SYK: variants seen among roughly 807,000 people sequenced by gnomAD.
The protein encoded by SYK is tyrosine-protein kinase SYK.
SYK carries 16 observed loss-of-function variants against 77.8 expected under a neutral mutation model. The observed-to-expected ratio is 0.21, with a 90% CI of 0.14 to 0.31. The LOEUF is 0.31. Ranked by LOEUF, SYK falls within the 10% of genes least tolerant of loss-of-function variation. The pLI is 1.00. For missense variants in SYK, 529 were observed against 814.4 expected (o/e 0.65, Z 4.26); for synonymous variants, 312 against 308.7 (o/e 1.01, Z -0.11).
Position 90,845,440 on chromosome 9 carries a change from G to A in SYK, c.424G>A (p.Ala142Thr), listed in dbSNP as rs1826552034. 6.2e-7 allele frequency: 1 copy of A among 1,613,806 alleles called. No homozygotes were observed. Among genetic ancestry groups the A allele is most frequent in the Non-Finnish European group, 8.5e-7 (1 of 1,179,932 alleles). The change falls in exon 3 of 14, where the codon GCT (alanine) becomes ACT (threonine). Residue 142 changes from alanine (A) to threonine (T), a missense_variant. By Grantham distance (58) the Ala-to-Thr change is moderately conservative (BLOSUM62 0). Coordinates refer to ENST00000375754, the MANE Select transcript of SYK (RefSeq NM_003177.7). ...TTTGCTCTCCATGTGGCAGGGTCAG[G>A]CTCTGGAGCAGGCCATCATCAGTCA... ...VKQTWNLQGQ[A>T]LEQAIISQKP...
chr9:90,843,772 C>A, intron 1 of SYK, 86 bp from the exon 2 acceptor site: 1 of 1,072,056 alleles, frequency 9.3e-7, no homozygotes, highest in Non-Finnish European at 1.3e-6. Flanking sequence ...GGTTTGTCTC[C>A]ACTTTGAAAG....
intron 3 of SYK, among the ~76,000 whole-genome samples, chr9:90,852,502 G>C (rs972147780): frequency 6.6e-6 from 1 of 152,158 alleles, no homozygotes; most frequent in Middle Eastern, 3.2e-3. Context: ...GTCCATGCCA[G>C]GCAAAATTTT....
chr9:90,856,485 A>G (rs1827043371), intron 3 of SYK, among the ~76,000 whole-genome samples: 1 of 152,052 alleles, frequency 6.6e-6, no homozygotes, highest in East Asian at 1.9e-4. Flanking sequence ...ACGTCGTTGA[A>G]TTATTCTTCC....
In SYK at chr9:90,878,704, TTG is replaced by T; in HGVS notation, c.1392-58_1392-57del. ...CCCACTGCCTGCGTGAGGAGCATGG[TTG>T]TTTGTTGTGAAATGGGTCACTGTCT... On this transcript the variant is annotated intron_variant, in intron 10 of 13. Transcript: ENST00000375754. The T allele has an allele frequency of 2.1e-6, 3 of 1,437,366 alleles. No homozygotes were observed. In the East Asian group the frequency reaches 6.9e-5, roughly 33 times the overall value. The allele number at this position is 1,437,366 out of a possible 1,614,324, so 89.0% of individuals were successfully genotyped here. A position where few individuals can be genotyped will look rare whatever the true frequency, so the allele number is the denominator to read the frequency against.
chr9:90,835,358 C>T (rs1443984659), intron 1 of SYK, among the ~76,000 whole-genome samples: 4 of 152,188 alleles, frequency 2.6e-5, no homozygotes, highest in African/African-American at 7.2e-5. Flanking sequence ...GACAGCTGGA[C>T]ACGGGCCCAG....
chr9:90,858,974 C>A (rs956907523), intron 3 of SYK, among the ~76,000 whole-genome samples: 11 of 152,328 alleles, frequency 7.2e-5, no homozygotes, highest in Admixed American at 1.3e-4. Flanking sequence ...GGAAGTGAGG[C>A]CTTTGCAGAA....
chr9:90,811,501 A>T (rs1564067231), intron 1 of SYK, among the ~76,000 whole-genome samples: 2 of 152,322 alleles, frequency 1.3e-5, no homozygotes, highest in East Asian at 3.9e-4. Context: ...CAGTTGATTC[A>T]TATGTTGGAA....
chr9:90,831,400 G>T (rs141147624), intron 1 of SYK, among the ~76,000 whole-genome samples: 1 of 152,168 alleles, frequency 6.6e-6, no homozygotes, highest in Non-Finnish European at 1.5e-5. Context: ...TACCTCTTCT[G>T]GTTCAATGCC....
chr9:90,871,931 G>C (rs946863467), intron 7 of SYK, among the ~76,000 whole-genome samples: 3 of 152,198 alleles, frequency 2.0e-5, no homozygotes, highest in Non-Finnish European at 4.4e-5. Flanking sequence ...TTCCGAGGAA[G>C]ATCTCCCATC....
chr9:90,809,302 G>A (rs1011641558), intron 1 of SYK, among the ~76,000 whole-genome samples: 1 of 152,186 alleles, frequency 6.6e-6, no homozygotes, highest in African/African-American at 2.4e-5. Context: ...GATTAGAAAC[G>A]GGCTCAGAAA....
intron 7 of SYK, among the ~76,000 whole-genome samples, chr9:90,869,514 A>C (rs1336215790): frequency 6.6e-6 from 1 of 152,350 alleles, no homozygotes; most frequent in East Asian, 1.9e-4. Context: ...TTTCACAAAC[A>C]AATGGGGAAC....
At chr9:90,866,532 C>A (rs144513978) in intron 6 of SYK, among the ~76,000 whole-genome samples, 7 of 152,130 alleles carry the variant, frequency 4.6e-5, no homozygotes, top group Admixed American at 3.3e-4. Flanking sequence ...ATTATAGGCT[C>A]GGTGAGACAG....
At chr9:90,849,490 C>A (rs1201532234) in intron 3 of SYK, among the ~76,000 whole-genome samples, 1 of 152,180 alleles carries the variant, frequency 6.6e-6, no homozygotes, top group Non-Finnish European at 1.5e-5. Flanking sequence ...TGTAGTAATA[C>A]CACTGTAGTT....
intron 1 of SYK, among the ~76,000 whole-genome samples, chr9:90,843,448 A>G (rs898414002): frequency 4.6e-5 from 7 of 152,174 alleles, no homozygotes; most frequent in African/African-American, 1.7e-4. Context: ...GTCTGGACTC[A>G]GGAGGAGCAG....
chr9:90,878,825 T>C lies in SYK; in HGVS notation c.1453T>C (p.Leu485=). 1 of 1,614,160 alleles carries C rather than the reference T, an allele frequency of 6.2e-7. No homozygotes were observed. Among genetic ancestry groups the C allele is most frequent in the Non-Finnish European group, 8.5e-7 (1 of 1,180,010 alleles). The part of the protein sequence containing the change: ...VHQVSMGMKY[L]EESNFVHRDL... ...TCAGGTTTCCATGGGCATGAAGTAC[T>C]TGGAGGAGAGCAATTTTGTGCACAG... The change falls in exon 11 of 14, where the codon TTG becomes CTG. Residue 485 remains leucine (L), a synonymous_variant. Coordinates refer to ENST00000375754, the MANE Select transcript of SYK (RefSeq NM_003177.7).
intron 1 of SYK, among the ~76,000 whole-genome samples, chr9:90,805,840 G>T (rs62554850): frequency 0.21 from 32,365 of 152,008 alleles, 3,612 homozygotes; most frequent in Middle Eastern, 0.32. Flanking sequence ...TTTGAGTTAT[G>T]TCCTCTAGAA....
At chr9:90,822,013 G>C (rs1825536228) in intron 1 of SYK, among the ~76,000 whole-genome samples, 1 of 152,116 alleles carries the variant, frequency 6.6e-6, no homozygotes, top group African/African-American at 2.4e-5. Flanking sequence ...GTGATGCATT[G>C]ATCAGTTGAT....
intron 9 of SYK, among the ~76,000 whole-genome samples, chr9:90,875,342 G>T (rs111957124): frequency 6.6e-6 from 1 of 152,110 alleles, no homozygotes; most frequent in African/African-American, 2.4e-5. Context: ...AGCCAAGGCT[G>T]CAGTGAGCCA....
rs554410647 is a variant in SYK, at chr9:90,896,295, A to T, written c.*695A>T. 15 of 233,252 alleles carry T rather than the reference A, an allele frequency of 6.4e-5. No individual in the cohort carries two copies. Among genetic ancestry groups the T allele is most frequent in the African/African-American group, 3.1e-4 (14 of 45,452 alleles). 14.4% of individuals were successfully genotyped at this position (233,252 alleles called of 1,614,324 possible). ...GTGATAAAAGGGGACCATGAGAATG[A>T]ATTGGCTTGGCTTACTTTCCCCCTG... On this transcript the variant is annotated 3_prime_UTR_variant, in exon 14 of 14. Coordinates refer to ENST00000375754, the MANE Select transcript of SYK (RefSeq NM_003177.7).
Sources: gnomAD v4.1 joint callset for allele counts (sites outside exome capture counted in the v4.1 genomes callset) on GRCh38, gnomAD v4.1.1 for gene constraint, MANE v1.5 for transcripts, NCBI Gene and HGNC (gene_info 2026-07-23, HGNC 2026-07-21) for gene names.